Variants in SPMAP2L observed in about 807,000 individuals in gnomAD.
SPMAP2L encodes the protein sperm microtubule associated protein 2-like.
chr4:56,552,710 C>T, the SPMAP2L span: 24 of 713,838 alleles, frequency 3.4e-5, 1 homozygote, highest in South Asian at 3.9e-4. Context: ...TTAACTAGAT[C>T]CTCTGAACCA....
At chr4:56,571,830 G>A in the SPMAP2L span, among the ~76,000 whole-genome samples, 2 of 152,102 alleles carry the variant, frequency 1.3e-5, no homozygotes, top group African/African-American at 2.4e-5. Flanking sequence ...GGGTGACAGA[G>A]CGGGACCTGA....
the SPMAP2L span, among the ~76,000 whole-genome samples, chr4:56,579,347 T>G: frequency 6.6e-6 from 1 of 152,136 alleles, no homozygotes; most frequent in African/African-American, 2.4e-5. Context: ...ATTACACTCC[T>G]AAACAACCAA....
chr4:56,575,758 A>G, the SPMAP2L span: 1 of 968,026 alleles, frequency 1.0e-6, no homozygotes. Flanking sequence ...CTTGTGTTCC[A>G]AAGCATCAGG....
At chr4:56,557,726 C>T in the SPMAP2L span, 1 of 152,092 alleles carries the variant, frequency 6.6e-6, no homozygotes, top group Admixed American at 6.5e-5. Flanking sequence ...AGACTTGGTT[C>T]TATTTCATGG....
the SPMAP2L span, among the ~76,000 whole-genome samples, chr4:56,580,796 T>A: frequency 2.0e-5 from 3 of 151,802 alleles, no homozygotes; most frequent in Non-Finnish European, 4.4e-5. Context: ...AGGTGCAGAA[T>A]CCAAAATCAA....
At chr4:56,591,367 T>A in the SPMAP2L span, among the ~76,000 whole-genome samples, 1 of 152,190 alleles carries the variant, frequency 6.6e-6, no homozygotes. Context: ...AAGACCTCAC[T>A]TTACAAATTA....
At chr4:56,625,135 G>A in the SPMAP2L span, among the ~76,000 whole-genome samples, 1 of 152,168 alleles carries the variant, frequency 6.6e-6, no homozygotes, top group African/African-American at 2.4e-5. Flanking sequence ...GATCATTTAG[G>A]ATCTTTAAAA....
chr4:56,547,042 C>A, the SPMAP2L span, among the ~76,000 whole-genome samples: 1 of 152,148 alleles, frequency 6.6e-6, no homozygotes, highest in Admixed American at 6.5e-5. Context: ...CATACTGGCA[C>A]CATGCTTGCC....
chr4:56,600,833 C>G, the SPMAP2L span: 2 of 1,222,678 alleles, frequency 1.6e-6, no homozygotes, highest in South Asian at 1.6e-5. Flanking sequence ...TTGCAGTAAT[C>G]CAGAAAAGAA....
the SPMAP2L span, among the ~76,000 whole-genome samples, chr4:56,611,999 G>A: frequency 3.3e-5 from 5 of 152,164 alleles, no homozygotes; most frequent in Admixed American, 1.3e-4. Context: ...GCTTTAGCCA[G>A]CTCTAAATAA....
At chr4:56,570,897 G>A in the SPMAP2L span, among the ~76,000 whole-genome samples, 1 of 151,630 alleles carries the variant, frequency 6.6e-6, no homozygotes, top group South Asian at 2.1e-4. Flanking sequence ...TCCCCCTCCC[G>A]GGTTCAAGCA....
chr4:56,562,819 A>AG, the SPMAP2L span, among the ~76,000 whole-genome samples: 1 of 147,394 alleles, frequency 6.8e-6, no homozygotes, highest in Non-Finnish European at 1.5e-5. Context: ...TTACATATAT[A>AG]GCCTGCTTAA....
the SPMAP2L span, among the ~76,000 whole-genome samples, chr4:56,588,291 T>C: frequency 1.3e-5 from 2 of 152,252 alleles, no homozygotes; most frequent in African/African-American, 4.8e-5. Context: ...TGACTGTTCT[T>C]TTGCTGTGCA....
At chr4:56,622,072 T>C in the SPMAP2L span, among the ~76,000 whole-genome samples, 7 of 152,152 alleles carry the variant, frequency 4.6e-5, no homozygotes, top group Non-Finnish European at 1.0e-4. Flanking sequence ...ATAAGAGAAA[T>C]TGGGGGACAG....
chr4:56,561,740 A>G, the SPMAP2L span, among the ~76,000 whole-genome samples: 7 of 151,866 alleles, frequency 4.6e-5, no homozygotes, highest in Admixed American at 3.9e-4. Context: ...TTCTTTTTTT[A>G]TTGAGATGGA....
At chr4:56,554,265 T>C in the SPMAP2L span, among the ~76,000 whole-genome samples, 1 of 152,220 alleles carries the variant, frequency 6.6e-6, no homozygotes, top group African/African-American at 2.4e-5. Flanking sequence ...ACTACTAAGC[T>C]CTTCTAAGAT....
the SPMAP2L span, among the ~76,000 whole-genome samples, chr4:56,555,280 C>A: frequency 6.6e-6 from 1 of 152,072 alleles, no homozygotes; most frequent in African/African-American, 2.4e-5. Context: ...AATACTTTGG[C>A]TATATTTGTG....
chr4:56,620,388 T>TG, the SPMAP2L span, among the ~76,000 whole-genome samples: 4 of 133,482 alleles, frequency 3.0e-5, no homozygotes, highest in Non-Finnish European at 4.6e-5. Flanking sequence ...GCCTTCTAGT[T>TG]TTTTTTTTTT....
chr4:56,565,141 A>G, the SPMAP2L span, among the ~76,000 whole-genome samples: 1 of 152,180 alleles, frequency 6.6e-6, no homozygotes. Flanking sequence ...TTTTGCTGTA[A>G]TGGGTAAAGT....
Sources: gnomAD v4.1 joint callset for allele counts (sites outside exome capture counted in the v4.1 genomes callset) on GRCh38, gnomAD v4.1.1 for gene constraint, MANE v1.5 for transcripts, NCBI Gene and HGNC (gene_info 2026-07-23, HGNC 2026-07-21) for gene names.